Variants in TSPAN9 observed in about 807,000 individuals in gnomAD.
TSPAN9 encodes tetraspanin-9.
A neutral mutation model predicts 31.0 loss-of-function variants in TSPAN9; 16 were observed. The ratio of observed to expected loss-of-function variants is 0.52; its 90% CI spans 0.35 to 0.78. The LOEUF is 0.78. Among genes scored for constraint, TSPAN9 ranks in the 30% least tolerant of loss-of-function variants. The pLI, the probability that TSPAN9 is intolerant of heterozygous loss-of-function variation, is 0.01. For missense variants in TSPAN9, 272 were observed against 312.5 expected, an observed-to-expected ratio of 0.87 and a Z score of 0.98; for synonymous variants, 145 against 121.6, an observed-to-expected ratio of 1.19 and a Z score of -1.27.
chr12:3,190,235 C>T (rs1316681808), intron 2 of TSPAN9, among the ~76,000 whole-genome samples: 1 of 152,192 alleles, frequency 6.6e-6, no homozygotes, highest in Non-Finnish European at 1.5e-5. Flanking sequence ...AGCGCCGTCC[C>T]AGCTGGCAAG....
chr12:3,243,501 C>G (rs588873), intron 3 of TSPAN9, among the ~76,000 whole-genome samples: 1 of 152,198 alleles, frequency 6.6e-6, no homozygotes, highest in Non-Finnish European at 1.5e-5. Flanking sequence ...CAGGCTGCAC[C>G]GATCCCCTCA....
At chr12:3,096,964 C>G (rs911799516) in intron 2 of TSPAN9, among the ~76,000 whole-genome samples, 1 of 152,160 alleles carries the variant, frequency 6.6e-6, no homozygotes, top group Admixed American at 6.5e-5. Flanking sequence ...TCCCAAAGTG[C>G]TGGGATTACA....
intron 3 of TSPAN9, among the ~76,000 whole-genome samples, chr12:3,264,569 G>C (rs116769548): frequency 2.0e-5 from 3 of 152,142 alleles, no homozygotes; most frequent in Non-Finnish European, 2.9e-5. Flanking sequence ...GACAGGGCTC[G>C]GAGAGGCCCA....
At chr12:3,223,044 C>T (rs2098385374) in intron 3 of TSPAN9, among the ~76,000 whole-genome samples, 2 of 152,242 alleles carry the variant, frequency 1.3e-5, no homozygotes, top group Non-Finnish European at 2.9e-5. Context: ...AGTGCCTGAG[C>T]TGTCCTCCCC....
chr12:3,238,332 C>T (rs2098394852), intron 3 of TSPAN9, among the ~76,000 whole-genome samples: 2 of 152,236 alleles, frequency 1.3e-5, no homozygotes, highest in Non-Finnish European at 2.9e-5. Context: ...CCTCCCTGTG[C>T]ATCTCTCAAA....
Position 3,265,617 on chromosome 12 carries a change from G to A in TSPAN9, c.64-12804G>A, listed in dbSNP as rs552039621. On this transcript the variant is annotated intron_variant, in intron 3 of 8. Transcript: ENST00000011898. Reference sequence around the variant, plus strand: ...CCTCGGCTGGACTGAGCGTCTGTCCGCTGCCCCTGCCTGCTGTGGCCGTGC... The same window carrying A: ...CCTCGGCTGGACTGAGCGTCTGTCCACTGCCCCTGCCTGCTGTGGCCGTGC... 2.6e-5 allele frequency among the ~76,000 whole-genome samples: 4 copies of A among 152,298 alleles called. No individual in the cohort carries two copies. The East Asian group carries it at 5.8e-4, about 22-fold the overall frequency.
chr12:3,175,355 C>T (rs1020249073), intron 2 of TSPAN9, among the ~76,000 whole-genome samples: 24 of 152,172 alleles, frequency 1.6e-4, no homozygotes, highest in African/African-American at 3.6e-4. Flanking sequence ...TGGAGGTCAG[C>T]GCCCGGCAGG....
intron 2 of TSPAN9, among the ~76,000 whole-genome samples, chr12:3,093,893 C>T (rs1054643745): frequency 1.3e-5 from 2 of 152,184 alleles, no homozygotes; most frequent in African/African-American, 4.8e-5. Flanking sequence ...GACAGGGTCT[C>T]GCTCTGTCAT....
chr12:3,178,166 G>A (rs1357151872), intron 2 of TSPAN9, among the ~76,000 whole-genome samples: 1 of 152,058 alleles, frequency 6.6e-6, no homozygotes, highest in Non-Finnish European at 1.5e-5. Context: ...CACCGTCTCC[G>A]CTACCCACGT....
intron 3 of TSPAN9, among the ~76,000 whole-genome samples, chr12:3,216,632 C>T (rs1159598664): frequency 2.0e-5 from 3 of 152,204 alleles, no homozygotes; most frequent in Non-Finnish European, 4.4e-5. Flanking sequence ...AGGTGGAACC[C>T]ACTGGAACCC....
chr12:3,196,205 C>T (rs1024465739), intron 2 of TSPAN9, among the ~76,000 whole-genome samples: 11 of 152,168 alleles, frequency 7.2e-5, no homozygotes, highest in Non-Finnish European at 1.6e-4. Context: ...CTACCACCTT[C>T]CCCCTAAGAT....
intron 2 of TSPAN9, among the ~76,000 whole-genome samples, chr12:3,109,181 C>T (rs1187681769): frequency 6.6e-6 from 1 of 151,662 alleles, no homozygotes; most frequent in Non-Finnish European, 1.5e-5. Flanking sequence ...CGTGATCCGC[C>T]CGCCTTGGCC....
chr12:3,264,611 G>A (rs970638618), intron 3 of TSPAN9, among the ~76,000 whole-genome samples: 26 of 152,308 alleles, frequency 1.7e-4, no homozygotes, highest in African/African-American at 6.3e-4. Flanking sequence ...CTGGGGCCGG[G>A]GCAGTGCGGG....
At chr12:3,124,259 A>G (rs991660354) in intron 2 of TSPAN9, among the ~76,000 whole-genome samples, 2 of 152,180 alleles carry the variant, frequency 1.3e-5, no homozygotes, top group African/African-American at 4.8e-5. Context: ...TTTTAGTGCA[A>G]TTATTTGGAA....
chr12:3,278,158 C>T (rs1458254849), intron 3 of TSPAN9, among the ~76,000 whole-genome samples: 2 of 152,184 alleles, frequency 1.3e-5, no homozygotes, highest in Non-Finnish European at 2.9e-5. Flanking sequence ...TTAATCCATC[C>T]TCAGAATGAC....
chr12:3,286,310 G>A lies in TSPAN9; in HGVS notation c.*3194G>A, dbSNP rs1863015657. ...TGCAGTGAGTCAATAGTCCAGGGTGGGGCCTGGCCTCCCTGCCCTGATTGG... is the reference window on the plus strand; with the variant it reads ...TGCAGTGAGTCAATAGTCCAGGGTGAGGCCTGGCCTCCCTGCCCTGATTGG... On this transcript the variant is annotated 3_prime_UTR_variant, in exon 9 of 9. Transcript: ENST00000011898. The surrounding 1 kb of genome is among the most constrained non-coding windows in gnomAD (Gnocchi z 4.1). The A allele has an allele frequency of 6.6e-6, 1 of 152,634 alleles. No homozygotes were observed. The highest frequency in any genetic ancestry group is 2.1e-4 in the South Asian group (1 of 4,832). 9.5% of individuals were successfully genotyped at this position (152,634 alleles called of 1,614,324 possible). A position where few individuals can be genotyped will look rare whatever the true frequency, so the allele number is the denominator to read the frequency against.
At chr12:3,095,686 A>T (rs2098308086) in intron 2 of TSPAN9, among the ~76,000 whole-genome samples, 1 of 149,916 alleles carries the variant, frequency 6.7e-6, no homozygotes. Flanking sequence ...GGGGCTCCTC[A>T]CTTCCCAGAT....
At position 3,160,419 on chromosome 12, in the gene TSPAN9, A is replaced by G. The variant is rs369018851; in HGVS notation, c.-17-40758A>G. On this transcript the variant is annotated intron_variant, in intron 2 of 8. Coordinates refer to ENST00000011898, the MANE Select transcript of TSPAN9 (RefSeq NM_006675.5). ...TGCTGCAATGAACATTTGTATATAG[A>G]TTTTTGTGTGGACATGTTATTTATT... Among the ~76,000 whole-genome samples the G allele has an allele frequency of 3.3e-5, 5 of 152,208 alleles. No individual in the cohort carries two copies. In the East Asian group the frequency reaches 9.6e-4, roughly 29 times the overall value.
At chr12:3,238,257 G>A (rs139081916) in intron 3 of TSPAN9, among the ~76,000 whole-genome samples, 64 of 152,310 alleles carry the variant, frequency 4.2e-4, no homozygotes, top group African/African-American at 1.5e-3. Flanking sequence ...CCCTGCTTCT[G>A]CATCTGTGTC....
Sources: allele counts gnomAD v4.1 joint callset (sites outside exome capture counted in the v4.1 genomes callset), GRCh38; gene constraint gnomAD v4.1.1; non-coding constraint Gnocchi (gnomAD v3.1); transcripts MANE v1.5; gene names NCBI Gene and HGNC (gene_info 2026-07-23, HGNC 2026-07-21).